Variants in GLG1 observed in about 807,000 individuals in gnomAD.
GLG1 encodes golgi glycoprotein 1, also known as Golgi apparatus protein 1.
Under a neutral mutation model 160.5 loss-of-function variants are expected in GLG1, and 38 were observed. That is an observed-to-expected ratio of 0.24 (90% CI 0.18 to 0.31). GLG1 has a LOEUF of 0.31. Ranked by LOEUF, GLG1 falls within the 10% of genes least tolerant of loss-of-function variation. The probability of loss-of-function intolerance (pLI) is 1.00; values close to 1 mark genes in which losing one functional copy is unlikely to be tolerated. For missense variants in GLG1, 1,373 were observed against 1,505.2 expected (o/e 0.91, Z 1.45); for synonymous variants, 644 against 543.4 (o/e 1.19, Z -2.57).
At chr16:74,566,374 C>A (rs549061306) in intron 1 of GLG1, among the ~76,000 whole-genome samples, 1 of 152,306 alleles carries the variant, frequency 6.6e-6, no homozygotes, top group East Asian at 1.9e-4. Context: ...TTTTTGTCCC[C>A]AAGCCAGTTC....
chr16:74,546,876 G>A lies in GLG1; in HGVS notation c.439-14723C>T, dbSNP rs77876203. On this transcript the variant is annotated intron_variant, in intron 1 of 25. Coordinates refer to ENST00000422840, the MANE Select transcript of GLG1 (RefSeq NM_001145667.2). The stretch of plus-strand genomic sequence containing the variant: ...AAAAAAGGATCCCTGACTAGAAGTG[G>A]GTAACATGTGATAATTTGGACCCAC... 4.9e-4 allele frequency among the ~76,000 whole-genome samples: 69 copies of A among 141,428 alleles called. 1 individual carries two copies. Among genetic ancestry groups the A allele is most frequent in the African/African-American group, 1.5e-3 (58 of 37,924 alleles). The allele number at this position is 141,428 out of a possible 152,430, so 92.8% of individuals were successfully genotyped here. A position where few individuals can be genotyped will look rare whatever the true frequency, so the allele number is the denominator to read the frequency against.
intron 11 of GLG1, among the ~76,000 whole-genome samples, chr16:74,479,896 T>C (rs1160625385): frequency 6.6e-6 from 1 of 152,168 alleles, no homozygotes; most frequent in African/African-American, 2.4e-5. Context: ...TAAAATCCAT[T>C]TGTAGCCTGG....
intron 2 of GLG1, among the ~76,000 whole-genome samples, chr16:74,531,825 A>G (rs1032113776): frequency 1.3e-5 from 2 of 152,234 alleles, no homozygotes; most frequent in African/African-American, 2.4e-5. Flanking sequence ...GTAAATGAGA[A>G]AACTTTAAAA....
At chr16:74,593,201 A>G (rs1958222276) in intron 1 of GLG1, among the ~76,000 whole-genome samples, 1 of 152,168 alleles carries the variant, frequency 6.6e-6, no homozygotes, top group African/African-American at 2.4e-5. Flanking sequence ...TTATAGCAAC[A>G]CAAAATGGAC....
chr16:74,508,840 T>C lies in GLG1; in HGVS notation c.557A>G (p.Glu186Gly). 1 of 1,365,870 alleles carries C rather than the reference T, an allele frequency of 7.3e-7. No individual in the cohort carries two copies. The highest frequency in any genetic ancestry group is 1.2e-5 in the South Asian group (1 of 86,040). The allele number at this position is 1,365,870 out of a possible 1,614,324, so 84.6% of individuals were successfully genotyped here. ...AREVCKSTIT[E>G]IKECADEPVG... ...CTACAAAATTCTTTGACAACTTACC[T>C]CTGTTATAGTAGATTTGCAAACCTC... Residue 186 changes from glutamate (E) to glycine (G), a missense_variant and splice_region_variant, in exon 3 of 26, where the codon GAG becomes GGG. Glu to Gly is a moderately conservative substitution (Grantham distance 98). Around this residue, in one of 4 missense-constraint regions of GLG1, gnomAD observed 322 missense variants for 254.6 expected, o/e 1.26. Coordinates refer to ENST00000422840, the MANE Select transcript of GLG1 (RefSeq NM_001145667.2).
At chr16:74,591,836 T>C (rs1271472353) in intron 1 of GLG1, among the ~76,000 whole-genome samples, 1 of 152,206 alleles carries the variant, frequency 6.6e-6, no homozygotes, top group Non-Finnish European at 1.5e-5. Flanking sequence ...TTTTTGAATT[T>C]ATCTGGTTTT....
At chr16:74,591,851 A>G (rs987258534) in intron 1 of GLG1, among the ~76,000 whole-genome samples, 1 of 152,188 alleles carries the variant, frequency 6.6e-6, no homozygotes, top group Non-Finnish European at 1.5e-5. Flanking sequence ...GGTTTTATAC[A>G]GGGAAAAAAA....
intron 2 of GLG1, among the ~76,000 whole-genome samples, chr16:74,527,276 T>C (rs771446573): frequency 9.6e-6 from 1 of 103,652 alleles, no homozygotes; most frequent in African/African-American, 3.3e-5. Flanking sequence ...TGAGATGGAG[T>C]TTTGCTCTTT....
In GLG1 at chr16:74,451,660, A is replaced by G. The variant is rs2014310117; in HGVS notation, c.*1507T>C. ...TGGACATCTAACAGGTTAATAAAAT[A>G]TATATTACATAAATGTCTCTCCTAC... is the stretch of plus-strand genomic sequence containing the variant. On this transcript the variant is annotated 3_prime_UTR_variant, in exon 26 of 26. Coordinates refer to ENST00000422840, the MANE Select transcript of GLG1 (RefSeq NM_001145667.2). 1 of 197,424 alleles carries G rather than the reference A, an allele frequency of 5.1e-6. No individual in the cohort carries two copies. The highest frequency in any genetic ancestry group is 9.8e-5 in the South Asian group (1 of 10,232). The allele number at this position is 197,424 out of a possible 1,614,324, so 12.2% of individuals were successfully genotyped here. A position where few individuals can be genotyped will look rare whatever the true frequency, so the allele number is the denominator to read the frequency against.
intron 2 of GLG1, among the ~76,000 whole-genome samples, chr16:74,509,757 G>A (rs1216576416): frequency 6.6e-6 from 1 of 151,520 alleles, no homozygotes; most frequent in African/African-American, 2.4e-5. Context: ...ACTGAGGCAG[G>A]AGAACGGCGT....
Position 74,448,834 on chromosome 16 carries a change from C to G in GLG1, c.*4333G>C, listed in dbSNP as rs188185975. 6.6e-6 allele frequency: 1 copy of G among 151,460 alleles called. No individual in the cohort carries two copies. Among genetic ancestry groups the G allele is most frequent in the Non-Finnish European group, 1.5e-5 (1 of 67,954 alleles). 9.4% of individuals were successfully genotyped at this position (151,460 alleles called of 1,614,324 possible). A position where few individuals can be genotyped will look rare whatever the true frequency, so the allele number is the denominator to read the frequency against. ...TTGGAAGGCCGAAGTGCACTTTGGC[C>G]GAAGTGGGCCACTTTGCGGCCACTT... On this transcript the variant is annotated 3_prime_UTR_variant, in exon 26 of 26. Coordinates refer to ENST00000422840, the MANE Select transcript of GLG1 (RefSeq NM_001145667.2).
At chr16:74,499,575 G>A (rs891264768) in intron 4 of GLG1, among the ~76,000 whole-genome samples, 7 of 152,150 alleles carry the variant, frequency 4.6e-5, no homozygotes, top group African/African-American at 1.7e-4. Context: ...TGTGTAGTAG[G>A]CTATACTCTA....
At chr16:74,587,849 C>T (rs771341723) in intron 1 of GLG1, among the ~76,000 whole-genome samples, 26 of 151,466 alleles carry the variant, frequency 1.7e-4, no homozygotes, top group Admixed American at 7.9e-4. Flanking sequence ...AGTGAGACTC[C>T]GCTTCAAAAA....
chr16:74,495,840 C>G (rs2016166705), intron 5 of GLG1, among the ~76,000 whole-genome samples: 1 of 152,026 alleles, frequency 6.6e-6, no homozygotes, highest in African/African-American at 2.4e-5. Flanking sequence ...AGCTGTTAAC[C>G]AAATGTTCAG....
At chr16:74,519,138 T>C (rs1302927970) in intron 2 of GLG1, among the ~76,000 whole-genome samples, 1 of 152,228 alleles carries the variant, frequency 6.6e-6, no homozygotes, top group Non-Finnish European at 1.5e-5. Context: ...ATATACACTG[T>C]GGAATACTAT....
chr16:74,551,728 C>T (rs1263937881), intron 1 of GLG1, among the ~76,000 whole-genome samples: 1 of 151,632 alleles, frequency 6.6e-6, no homozygotes, highest in Non-Finnish European at 1.5e-5. Context: ...GGTGTCATTA[C>T]CAAAGGCTAT....
chr16:74,603,771 A>G (rs1167071774), intron 1 of GLG1, among the ~76,000 whole-genome samples: 1 of 151,928 alleles, frequency 6.6e-6, no homozygotes, highest in African/African-American at 2.4e-5. Context: ...TGGTATTATT[A>G]CTCCACCTAC....
In GLG1 at chr16:74,459,486, G is replaced by C. The variant is rs543844390; in HGVS notation, c.3144+196C>G. On this transcript the variant is annotated intron_variant, in intron 23 of 25. Coordinates refer to ENST00000422840, the MANE Select transcript of GLG1 (RefSeq NM_001145667.2). ...AGACTCCGTCTCAAAGAAAAGAAAA[G>C]AATATTCACATTATAGGAGATGAGC... is the stretch of plus-strand genomic sequence containing the variant. Among the ~76,000 whole-genome samples the C allele has an allele frequency of 6.1e-4, 93 of 152,230 alleles. 3 individuals carry two copies. The South Asian group carries it at 0.018, about 30-fold the overall frequency.
At chr16:74,498,361 G>C (rs1333823945) in intron 4 of GLG1, among the ~76,000 whole-genome samples, 1 of 144,514 alleles carries the variant, frequency 6.9e-6, no homozygotes, top group Non-Finnish European at 1.5e-5. Flanking sequence ...GAACCCAGGA[G>C]GTAGAGGTTG....
Sources: allele counts gnomAD v4.1 joint callset (sites outside exome capture counted in the v4.1 genomes callset), GRCh38; gene constraint gnomAD v4.1.1; regional missense constraint gnomAD v4.1.1; transcripts MANE v1.5; gene names NCBI Gene and HGNC (gene_info 2026-07-23, HGNC 2026-07-21).